Variants in DCC observed in about 807,000 individuals in gnomAD.
DCC encodes the protein netrin receptor DCC.
Under a neutral mutation model 172.5 loss-of-function variants are expected in DCC, and 58 were observed. That is an observed-to-expected ratio of 0.34 (90% CI 0.27 to 0.42). The LOEUF is 0.42. Ranked by LOEUF, DCC falls within the 10% of genes least tolerant of loss-of-function variation. The probability of loss-of-function intolerance (pLI) is 1.00; values close to 1 mark genes in which losing one functional copy is unlikely to be tolerated. For missense variants in DCC, 1,740 were observed against 1,791.0 expected (o/e 0.97, Z 0.51); for synonymous variants, 709 against 644.5 (o/e 1.10, Z -1.52).
chr18:53,094,881 A>G (rs2043063262), intron 7 of DCC, among the ~76,000 whole-genome samples: 1 of 152,182 alleles, frequency 6.6e-6, no homozygotes, highest in Admixed American at 6.5e-5. Context: ...GATGTGCTTA[A>G]CTGGGTCTAA....
intron 1 of DCC, among the ~76,000 whole-genome samples, chr18:52,411,085 A>G (rs1986828699): frequency 6.6e-6 from 1 of 152,058 alleles, no homozygotes; most frequent in African/African-American, 2.4e-5. Flanking sequence ...CCACCACTCT[A>G]CTTTTTATCA....
intron 1 of DCC, among the ~76,000 whole-genome samples, chr18:52,680,142 G>A (rs935866130): frequency 2.6e-5 from 4 of 152,234 alleles, no homozygotes; most frequent in Middle Eastern, 3.4e-3. Flanking sequence ...GGACTGAGCA[G>A]TGATGTTACA....
At chr18:52,439,678 G>C (rs1430314773) in intron 1 of DCC, among the ~76,000 whole-genome samples, 1 of 152,144 alleles carries the variant, frequency 6.6e-6, no homozygotes, top group Non-Finnish European at 1.5e-5. Flanking sequence ...CCTAGGACAG[G>C]ATCCTTCAAC....
At chr18:53,298,506 T>C (rs572213452) in intron 12 of DCC, among the ~76,000 whole-genome samples, 37 of 113,850 alleles carry the variant, frequency 3.2e-4, no homozygotes, top group Non-Finnish European at 5.0e-4. Context: ...CCAGCCTGGA[T>C]GACACAGAGA....
At chr18:53,353,592 G>A (rs749417519) in intron 15 of DCC, among the ~76,000 whole-genome samples, 2 of 151,942 alleles carry the variant, frequency 1.3e-5, no homozygotes, top group Non-Finnish European at 1.5e-5. Context: ...CATTGTGCTG[G>A]TGATTAATTT....
chr18:53,467,782 T>C, intron 24 of DCC, 112 bp from the exon 25 acceptor site: 1 of 767,152 alleles, frequency 1.3e-6, no homozygotes, highest in Admixed American at 1.7e-5. Context: ...AGGTAGATAC[T>C]ATCATAGAAA....
intron 2 of DCC, among the ~76,000 whole-genome samples, chr18:52,756,246 G>T (rs1568083861): frequency 1.3e-5 from 2 of 149,714 alleles, no homozygotes; most frequent in South Asian, 4.2e-4. Context: ...AGCTGAAGAA[G>T]GGAAGCAGCG....
intron 2 of DCC, among the ~76,000 whole-genome samples, chr18:52,817,676 T>C (rs1443562544): frequency 6.6e-6 from 1 of 152,150 alleles, no homozygotes; most frequent in African/African-American, 2.4e-5. Context: ...TTGCCTAATG[T>C]GTATGTACAC....
chr18:52,996,518 T>C (rs999532443), intron 5 of DCC, among the ~76,000 whole-genome samples: 1 of 152,016 alleles, frequency 6.6e-6, no homozygotes, highest in Non-Finnish European at 1.5e-5. Flanking sequence ...TCACTGATAA[T>C]TTATTTCAAA....
intron 5 of DCC, among the ~76,000 whole-genome samples, chr18:52,947,312 A>C (rs1335464017): frequency 1.3e-5 from 2 of 152,202 alleles, no homozygotes; most frequent in Non-Finnish European, 2.9e-5. Context: ...ATTTTTTCTT[A>C]TACAATGCAA....
chr18:52,399,559 A>C (rs1313941370), intron 1 of DCC, among the ~76,000 whole-genome samples: 1 of 151,830 alleles, frequency 6.6e-6, no homozygotes, highest in Non-Finnish European at 1.5e-5. Context: ...TAAGTCCCTA[A>C]AAATCTATTT....
intron 1 of DCC, among the ~76,000 whole-genome samples, chr18:52,731,176 CG>C (rs1370100550): frequency 3.9e-5 from 6 of 152,286 alleles, no homozygotes; most frequent in Admixed American, 3.9e-4. Flanking sequence ...TTGATTGAAG[CG>C]CTTTGCTTGT....
chr18:53,197,990 G>A (rs1254789924), intron 9 of DCC, among the ~76,000 whole-genome samples: 1 of 152,108 alleles, frequency 6.6e-6, no homozygotes, highest in African/African-American at 2.4e-5. Context: ...TTGAAATACC[G>A]ATGATTTGGA....
At chr18:52,591,564 C>T (rs1212082268) in intron 1 of DCC, among the ~76,000 whole-genome samples, 1 of 151,810 alleles carries the variant, frequency 6.6e-6, no homozygotes, top group Non-Finnish European at 1.5e-5. Flanking sequence ...ATGGCTTGGT[C>T]AAAATTATAT....
intron 5 of DCC, among the ~76,000 whole-genome samples, chr18:53,041,902 T>C (rs1173318938): frequency 6.6e-6 from 1 of 152,118 alleles, no homozygotes; most frequent in African/African-American, 2.4e-5. Flanking sequence ...CTTTAGGGGT[T>C]TTGGGGCTGA....
chr18:53,128,870 C>CACATATATATATATAT (rs1300738812), intron 7 of DCC, among the ~76,000 whole-genome samples: 8 of 77,462 alleles, frequency 1.0e-4, no homozygotes, highest in African/African-American at 1.9e-4. Flanking sequence ...CACACACACA[C>CACATATATATATATAT]ATATATATAT....
intron 1 of DCC, among the ~76,000 whole-genome samples, chr18:52,371,626 C>G (rs1985126614): frequency 6.6e-6 from 1 of 152,184 alleles, no homozygotes; most frequent in Non-Finnish European, 1.5e-5. Flanking sequence ...ATTAGACCTC[C>G]TTCCCCTCCC....
chr18:53,174,896 T>A (rs889113210), intron 8 of DCC, among the ~76,000 whole-genome samples: 3 of 152,144 alleles, frequency 2.0e-5, no homozygotes, highest in African/African-American at 7.2e-5. Context: ...TAGACCAATA[T>A]CCTTGATGAA....
In DCC at chr18:53,325,216, A is replaced by AAG. The variant is rs1396051438; in HGVS notation, c.2164+3060_2164+3061insGA. On this transcript the variant is annotated intron_variant, in intron 14 of 28. Coordinates refer to ENST00000442544, the MANE Select transcript of DCC (RefSeq NM_005215.4). ...CATCTCAAAAAAAAAAAAAAAAAAA[A>AAG]AAGTTTTATGCTTTGAGGTCCAGTG... Among the ~76,000 whole-genome samples the AAG allele has an allele frequency of 5.3e-5, 8 of 151,736 alleles. No homozygotes were observed. The East Asian group carries it at 1.5e-3, about 29-fold the overall frequency.
Sources: allele counts gnomAD v4.1 joint callset (sites outside exome capture counted in the v4.1 genomes callset), GRCh38; gene constraint gnomAD v4.1.1; transcripts MANE v1.5; gene names NCBI Gene and HGNC (gene_info 2026-07-23, HGNC 2026-07-21).